The following ZFAND3 variants were observed in gnomAD, a reference collection of about 807,000 sequenced individuals.
The protein encoded by ZFAND3 is zinc finger AN1-type containing 3, also known as AN1-type zinc finger protein 3.
ZFAND3 carries 10 observed loss-of-function variants against 29.6 expected under a neutral mutation model. That is an observed-to-expected ratio of 0.34 (90% CI 0.21 to 0.57). The LOEUF is 0.57. Ranked by LOEUF, ZFAND3 falls within the 20% of genes least tolerant of loss-of-function variation. The pLI is 0.86. For synonymous variants in ZFAND3, 128 were observed against 112.6 expected (o/e 1.14, Z -0.87); for missense variants, 230 against 304.5 (o/e 0.76, Z 1.82).
At chr6:38,067,207 C>G (rs1764363841) in intron 3 of ZFAND3, among the ~76,000 whole-genome samples, 1 of 152,154 alleles carries the variant, frequency 6.6e-6, no homozygotes, top group African/African-American at 2.4e-5. Context: ...AGTTGGCCCT[C>G]CATATATGTG....
At chr6:37,921,696 T>G (rs1761382304) in intron 1 of ZFAND3, among the ~76,000 whole-genome samples, 2 of 151,950 alleles carry the variant, frequency 1.3e-5, no homozygotes, top group Admixed American at 1.3e-4. Flanking sequence ...AAAAAAAAAT[T>G]TAGAAGAAAC....
chr6:38,116,420 T>G, intron 4 of ZFAND3, 152 bp from the exon 5 acceptor site: 1 of 859,192 alleles, frequency 1.2e-6, no homozygotes. Flanking sequence ...GTTTGTGCAG[T>G]ATAAACCAAG....
chr6:37,921,105 C>G (rs1280413687), intron 1 of ZFAND3, among the ~76,000 whole-genome samples: 1 of 152,122 alleles, frequency 6.6e-6, no homozygotes, highest in Non-Finnish European at 1.5e-5. Flanking sequence ...TTCTCCTTCT[C>G]TTTGTCCTCT....
Position 38,152,482 on chromosome 6 carries a change from C to T in ZFAND3, c.*93C>T, listed in dbSNP as rs1221678791. The T allele has an allele frequency of 8.5e-6, 12 of 1,412,374 alleles. No homozygotes were observed. Among genetic ancestry groups the T allele is most frequent in the South Asian group, 6.8e-5 (4 of 58,560 alleles). 87.5% of individuals were successfully genotyped at this position (1,412,374 alleles called of 1,614,324 possible). On this transcript the variant is annotated 3_prime_UTR_variant, in exon 6 of 6. Coordinates refer to ENST00000287218, the MANE Select transcript of ZFAND3 (RefSeq NM_021943.3). The stretch of plus-strand genomic sequence containing the variant: ...TCAGCCAGACACCTTGTACTGGGCA[C>T]GCGTCAGACTGCAGCCAGTCCGTTT...
At chr6:37,826,398 A>G (rs1018964477) in intron 1 of ZFAND3, among the ~76,000 whole-genome samples, 1 of 152,178 alleles carries the variant, frequency 6.6e-6, no homozygotes, top group Non-Finnish European at 1.5e-5. Flanking sequence ...TGAGTGAGAT[A>G]TTTAAACATA....
chr6:37,834,795 A>C (rs1763935361), intron 1 of ZFAND3, among the ~76,000 whole-genome samples: 1 of 151,692 alleles, frequency 6.6e-6, no homozygotes, highest in African/African-American at 2.4e-5. Context: ...ATGCATATAT[A>C]ATGATATATG....
At chr6:38,094,806 C>T (rs1000293085) in intron 4 of ZFAND3, among the ~76,000 whole-genome samples, 3 of 152,094 alleles carry the variant, frequency 2.0e-5, no homozygotes, top group Admixed American at 1.3e-4. Context: ...TTGAGTATCC[C>T]TTTATCCAAA....
intron 1 of ZFAND3, among the ~76,000 whole-genome samples, chr6:37,858,683 CTG>C (rs1295881986): frequency 3.9e-5 from 6 of 152,152 alleles, no homozygotes; most frequent in African/African-American, 1.4e-4. Context: ...TCATCTAACA[CTG>C]TGTATTTAAT....
At chr6:38,037,877 G>T (rs1763689789) in intron 2 of ZFAND3, among the ~76,000 whole-genome samples, 2 of 152,206 alleles carry the variant, frequency 1.3e-5, no homozygotes, top group Admixed American at 6.5e-5. Flanking sequence ...CTGCAAAGTT[G>T]TATGAATCAA....
At chr6:38,124,113 T>G (rs1249490597) in intron 5 of ZFAND3, among the ~76,000 whole-genome samples, 1 of 152,116 alleles carries the variant, frequency 6.6e-6, no homozygotes, top group African/African-American at 2.4e-5. Context: ...GCTCTCCACA[T>G]CCCCACTAGA....
intron 1 of ZFAND3, among the ~76,000 whole-genome samples, chr6:37,863,235 G>C (rs949709255): frequency 2.1e-4 from 32 of 152,314 alleles, no homozygotes; most frequent in African/African-American, 7.7e-4. Context: ...ATTTGGCAAA[G>C]GGATTTATTA....
chr6:37,962,007 C>T (rs1762206834), intron 2 of ZFAND3, among the ~76,000 whole-genome samples: 1 of 152,154 alleles, frequency 6.6e-6, no homozygotes, highest in South Asian at 2.1e-4. Flanking sequence ...CTTACCAAAT[C>T]AACTAAATAA....
Position 38,154,375 on chromosome 6 carries a change from G to GGGGT in ZFAND3, c.*1989_*1990insTGGG. ...ATGTTCGCTTCCTGACTTAGAGCTG[G>GGGGT]GGGGGGTGGGGGGTGGGGCTTGTTC... On this transcript the variant is annotated 3_prime_UTR_variant, in exon 6 of 6. Coordinates refer to ENST00000287218, the MANE Select transcript of ZFAND3 (RefSeq NM_021943.3). 1.2e-6 allele frequency: 1 copy of GGGGT among 833,254 alleles called. No individual in the cohort carries two copies. The highest frequency in any genetic ancestry group is 1.9e-5 in the African/African-American group (1 of 53,954). 51.6% of individuals were successfully genotyped at this position (833,254 alleles called of 1,614,324 possible). A position where few individuals can be genotyped will look rare whatever the true frequency, so the allele number is the denominator to read the frequency against.
chr6:37,845,822 A>G lies in ZFAND3; in HGVS notation c.71+25806A>G, dbSNP rs116382086. Among the ~76,000 whole-genome samples the G allele has an allele frequency of 7.1e-3, 1,082 of 152,346 alleles. 3 individuals carry two copies. The highest frequency in any genetic ancestry group is 0.011 in the Non-Finnish European group (779 of 68,032). On this transcript the variant is annotated intron_variant, in intron 1 of 5. Coordinates refer to ENST00000287218, the MANE Select transcript of ZFAND3 (RefSeq NM_021943.3). ...AACCAGCATTGTTCATAATTTTCCT[A>G]ACTTCTGAGCTTAAAGTGAGCCTTA...
chr6:37,950,669 G>T lies in ZFAND3; in HGVS notation c.112+20670G>T, dbSNP rs909036483. On this transcript the variant is annotated intron_variant, in intron 2 of 5. Coordinates refer to ENST00000287218, the MANE Select transcript of ZFAND3 (RefSeq NM_021943.3). ...GCTAGGATTACAAGGGTGAGCCACC[G>T]TGCCCTACCTGTTGACTTTGTTGAT... is the stretch of plus-strand genomic sequence containing the variant. Among the ~76,000 whole-genome samples, 5 of 152,086 alleles carry T rather than the reference G, an allele frequency of 3.3e-5. No individual in the cohort carries two copies. In the South Asian group the frequency reaches 1.0e-3, roughly 32 times the overall value.
intron 1 of ZFAND3, among the ~76,000 whole-genome samples, chr6:37,892,197 T>C (rs1765117451): frequency 6.6e-6 from 1 of 152,178 alleles, no homozygotes; most frequent in Non-Finnish European, 1.5e-5. Context: ...ATTTGGAAAC[T>C]CTAATACGTG....
intron 2 of ZFAND3, among the ~76,000 whole-genome samples, chr6:37,998,882 T>C (rs1253138789): frequency 6.6e-6 from 1 of 152,134 alleles, no homozygotes; most frequent in Non-Finnish European, 1.5e-5. Context: ...TATAGAAATA[T>C]TTACAGAGAT....
At chr6:38,037,210 G>A (rs745955427) in intron 2 of ZFAND3, among the ~76,000 whole-genome samples, 1 of 152,120 alleles carries the variant, frequency 6.6e-6, no homozygotes, top group Non-Finnish European at 1.5e-5. Context: ...ATAATGAATG[G>A]GTAAGTACAC....
chr6:37,907,128 C>G (rs1023739241), intron 1 of ZFAND3, among the ~76,000 whole-genome samples: 13 of 151,962 alleles, frequency 8.6e-5, no homozygotes, highest in Non-Finnish European at 5.9e-5. Context: ...TGCACTGACT[C>G]TCTGTCTGCA....
Sources: allele counts gnomAD v4.1 joint callset (sites outside exome capture counted in the v4.1 genomes callset), GRCh38; gene constraint gnomAD v4.1.1; transcripts MANE v1.5; gene names NCBI Gene and HGNC (gene_info 2026-07-23, HGNC 2026-07-21).